The following RBFOX1 variants were observed in gnomAD, a reference collection of about 807,000 sequenced individuals.
The protein encoded by RBFOX1 is RNA binding fox-1 homolog 1.
In RBFOX1, 8 loss-of-function variants were observed where a neutral mutation model predicts 57.7. That is an observed-to-expected ratio of 0.14 (90% CI 0.08 to 0.25). The LOEUF is 0.25. Among genes scored for constraint, RBFOX1 ranks in the 10% least tolerant of loss-of-function variants. The probability of loss-of-function intolerance (pLI) is 1.00; values close to 1 mark genes in which losing one functional copy is unlikely to be tolerated. For synonymous variants in RBFOX1, 326 were observed against 222.4 expected (o/e 1.47, Z -4.15); for missense variants, 611 against 548.5 (o/e 1.11, Z -1.14).
rs548787498 is a variant in RBFOX1 at position 7,455,513 on chromosome 16, C to T, written c.28-62634C>T. 2.0e-4 allele frequency among the ~76,000 whole-genome samples: 30 copies of T among 152,036 alleles called. 1 individual carries two copies. Among genetic ancestry groups the T allele is most frequent in the South Asian group, 1.5e-3 (7 of 4,812 alleles). Reference sequence around the variant, plus strand: ...ATAAGAAATCTTATTCACACTTGGCCGGGCACCGTGGCTCATGCCTGTAAT... The same window carrying T: ...ATAAGAAATCTTATTCACACTTGGCTGGGCACCGTGGCTCATGCCTGTAAT... On this transcript the variant is annotated intron_variant, in intron 4 of 15. Transcript: ENST00000550418.
At chr16:7,000,174 A>C (rs1394845648) in intron 3 of RBFOX1, among the ~76,000 whole-genome samples, 1 of 152,182 alleles carries the variant, frequency 6.6e-6, no homozygotes, top group Non-Finnish European at 1.5e-5. Flanking sequence ...TTAAGGAAAA[A>C]AAAAGTACTG....
intron 4 of RBFOX1, among the ~76,000 whole-genome samples, chr16:5,942,041 C>G (rs2059290279): frequency 6.6e-6 from 1 of 152,044 alleles, no homozygotes; most frequent in Admixed American, 6.6e-5. Flanking sequence ...GCTTCCTCCC[C>G]ATGTCCGTTG....
At chr16:6,567,981 A>G (rs1471234385) in intron 2 of RBFOX1, among the ~76,000 whole-genome samples, 6 of 152,040 alleles carry the variant, frequency 3.9e-5, no homozygotes, top group Non-Finnish European at 8.8e-5. Context: ...CCACCATGCC[A>G]GGCTAATTAT....
intron 9 of RBFOX1, among the ~76,000 whole-genome samples, chr16:7,602,354 T>A (rs530852527): frequency 6.6e-6 from 1 of 152,264 alleles, no homozygotes; most frequent in South Asian, 2.1e-4. Flanking sequence ...AGACGTCTGT[T>A]CTCTGGCTCC....
At chr16:7,163,593 A>G (rs1714129566) in intron 4 of RBFOX1, among the ~76,000 whole-genome samples, 1 of 151,852 alleles carries the variant, frequency 6.6e-6, no homozygotes, top group Non-Finnish European at 1.5e-5. Flanking sequence ...CTCAGTTTCT[A>G]CAGAGCAGAA....
At chr16:5,404,525 T>C (rs2066809199) in intron 1 of RBFOX1, among the ~76,000 whole-genome samples, 1 of 152,158 alleles carries the variant, frequency 6.6e-6, no homozygotes, top group South Asian at 2.1e-4. Context: ...AAATTGAGTG[T>C]GAAGGTAACT....
chr16:5,352,775 C>A (rs751333484), intron 1 of RBFOX1, among the ~76,000 whole-genome samples: 14 of 151,082 alleles, frequency 9.3e-5, no homozygotes, highest in Non-Finnish European at 1.8e-4. Context: ...GAAACCTGTC[C>A]CTACAAAAAA....
intron 1 of RBFOX1, among the ~76,000 whole-genome samples, chr16:6,070,135 C>T (rs1324199797): frequency 6.6e-6 from 1 of 152,048 alleles, no homozygotes; most frequent in Non-Finnish European, 1.5e-5. Context: ...TGTGATTTGA[C>T]TAGTAATAAT....
At chr16:7,487,959 T>C (rs961992531) in intron 4 of RBFOX1, among the ~76,000 whole-genome samples, 1 of 152,162 alleles carries the variant, frequency 6.6e-6, no homozygotes, top group Admixed American at 6.5e-5. Context: ...ATGGATTTTT[T>C]TTTCCAGGGC....
At chr16:5,304,979 G>T (rs919552100) in intron 1 of RBFOX1, among the ~76,000 whole-genome samples, 1 of 152,026 alleles carries the variant, frequency 6.6e-6, no homozygotes, top group African/African-American at 2.4e-5. Context: ...CTGTTTTTCA[G>T]TTCCTTGTCT....
chr16:6,825,307 C>G (rs115086001), intron 3 of RBFOX1, among the ~76,000 whole-genome samples: 3 of 151,238 alleles, frequency 2.0e-5, no homozygotes, highest in Non-Finnish European at 4.4e-5. Flanking sequence ...GTAGATATTG[C>G]CCATGTTCCC....
At chr16:7,323,789 A>G (rs982061977) in intron 4 of RBFOX1, among the ~76,000 whole-genome samples, 25 of 152,250 alleles carry the variant, frequency 1.6e-4, no homozygotes, top group Non-Finnish European at 2.9e-5. Context: ...ATGATGAAGA[A>G]GATGAAGATG....
intron 3 of RBFOX1, among the ~76,000 whole-genome samples, chr16:6,658,061 A>G (rs918532549): frequency 1.3e-5 from 2 of 152,116 alleles, no homozygotes; most frequent in Non-Finnish European, 2.9e-5. Context: ...AATTTTAGAA[A>G]AGACAAAACC....
chr16:6,645,996 C>A (rs1191182061), intron 2 of RBFOX1, among the ~76,000 whole-genome samples: 1 of 152,138 alleles, frequency 6.6e-6, no homozygotes, highest in East Asian at 1.9e-4. Flanking sequence ...AAGTGAGCCT[C>A]CGCTGTTCAG....
rs1541545 is a variant in RBFOX1 at position 6,614,053 on chromosome 16, C to A, written c.-63-40550C>A. ...GTAAGTGAGTTTAGGTGAAACTTTCCCTTTCTACATTGTAAGTTGCTTTAT... is the reference window on the plus strand; with the variant it reads ...GTAAGTGAGTTTAGGTGAAACTTTCACTTTCTACATTGTAAGTTGCTTTAT... On this transcript the variant is annotated intron_variant, in intron 2 of 15. Coordinates refer to ENST00000550418, the MANE Select transcript of RBFOX1 (RefSeq NM_018723.4). Among the ~76,000 whole-genome samples, 11 of 152,204 alleles carry A rather than the reference C, an allele frequency of 7.2e-5. 1 individual carries two copies. In the South Asian group the frequency reaches 1.0e-3, roughly 14 times the overall value.
chr16:6,032,815 A>C (rs1462425420), intron 1 of RBFOX1, among the ~76,000 whole-genome samples: 2 of 152,148 alleles, frequency 1.3e-5, no homozygotes, highest in African/African-American at 4.8e-5. Context: ...AAATCCTCTA[A>C]ATTATCTGTG....
Position 6,578,341 on chromosome 16 carries a change from A to G in RBFOX1, c.-63-76262A>G, listed in dbSNP as rs57642840. On this transcript the variant is annotated intron_variant, in intron 2 of 15. Coordinates refer to ENST00000550418, the MANE Select transcript of RBFOX1 (RefSeq NM_018723.4). Reference sequence around the variant, plus strand: ...AGGGTAGTGGGAAGTTAGCGAAGCAATGTCCCCGGGACACAGCAGTGGGTG... The same window carrying G: ...AGGGTAGTGGGAAGTTAGCGAAGCAGTGTCCCCGGGACACAGCAGTGGGTG... Among the ~76,000 whole-genome samples, 295 of 152,298 alleles carry G rather than the reference A, an allele frequency of 1.9e-3. 2 individuals are homozygous for G. The highest frequency in any genetic ancestry group is 6.9e-3 in the African/African-American group (287 of 41,564).
intron 2 of RBFOX1, among the ~76,000 whole-genome samples, chr16:5,487,871 AT>A (rs1211734809): frequency 6.6e-6 from 1 of 152,104 alleles, no homozygotes; most frequent in Non-Finnish European, 1.5e-5. Context: ...GATGTTGATA[AT>A]GATGGTGGTG....
chr16:6,193,565 T>C (rs1266677274), intron 1 of RBFOX1, among the ~76,000 whole-genome samples: 1 of 150,922 alleles, frequency 6.6e-6, no homozygotes, highest in Admixed American at 6.6e-5. Context: ...AAAGCAAAGA[T>C]GCTAATAGGG....
Sources: gnomAD v4.1 joint callset for allele counts (sites outside exome capture counted in the v4.1 genomes callset) on GRCh38, gnomAD v4.1.1 for gene constraint, MANE v1.5 for transcripts, NCBI Gene and HGNC (gene_info 2026-07-23, HGNC 2026-07-21) for gene names.